Variants in PFKFB3 observed in about 807,000 individuals in gnomAD.
PFKFB3 encodes the protein 6-phosphofructo-2-kinase/fructose-2,6-biphosphatase 3, also known as 6-phosphofructo-2-kinase/fructose-2,6-bisphosphatase 3.
PFKFB3 carries 33 observed loss-of-function variants against 68.0 expected under a neutral mutation model. The observed-to-expected ratio is 0.49, with a 90% CI of 0.37 to 0.65. The LOEUF (loss-of-function observed/expected upper bound fraction) is 0.65, where lower values mean the gene tolerates loss of function less well. PFKFB3 is among the 30% of genes least tolerant of loss of function. PFKFB3 has a pLI of 0.00. For synonymous variants in PFKFB3, 315 were observed against 288.2 expected, an observed-to-expected ratio of 1.09 and a Z score of -0.94; for missense variants, 586 against 712.2, an observed-to-expected ratio of 0.82 and a Z score of 2.02.
chr10:6,169,697 T>TA (rs1842247802), intron 1 of PFKFB3, among the ~76,000 whole-genome samples: 1 of 152,168 alleles, frequency 6.6e-6, no homozygotes, highest in Admixed American at 6.6e-5. Flanking sequence ...ATGTGGAATC[T>TA]AAAAGTCACT....
chr10:6,176,050 C>T (rs1226345296), intron 1 of PFKFB3, among the ~76,000 whole-genome samples: 2 of 152,228 alleles, frequency 1.3e-5, no homozygotes, highest in African/African-American at 2.4e-5. Context: ...GTGAGAGCCC[C>T]CAAACGGAAA....
At chr10:6,310,791 A>C in the PFKFB3 span, among the ~76,000 whole-genome samples, 1 of 152,246 alleles carries the variant, frequency 6.6e-6, no homozygotes, top group Non-Finnish European at 1.5e-5. Flanking sequence ...AAGAGGGAAA[A>C]GAAATAATTA....
chr10:6,259,229 A>C (rs1846517748), downstream of PFKFB3, among the ~76,000 whole-genome samples: 1 of 149,442 alleles, frequency 6.7e-6, no homozygotes, highest in African/African-American at 2.5e-5. Flanking sequence ...CCACCCATCC[A>C]TTTATTCATT....
At chr10:6,155,354 C>T (rs961843703) in intron 1 of PFKFB3, among the ~76,000 whole-genome samples, 8 of 151,980 alleles carry the variant, frequency 5.3e-5, no homozygotes, top group Admixed American at 4.6e-4. Context: ...AGGCGCCCAC[C>T]ACCACGCCCG....
At chr10:6,261,993 T>C in the PFKFB3 span, among the ~76,000 whole-genome samples, 2 of 145,004 alleles carry the variant, frequency 1.4e-5, no homozygotes, top group Admixed American at 7.0e-5. Context: ...TGAGACTCTG[T>C]CTCAAAAACA....
At chr10:6,231,319 A>G in intron 14 of PFKFB3, 1 of 1,612,396 alleles carries the variant, frequency 6.2e-7, no homozygotes, top group Non-Finnish European at 8.5e-7. Flanking sequence ...TGGAAGGTAA[A>G]TGCCTGGGTG....
intron 14 of PFKFB3, among the ~76,000 whole-genome samples, chr10:6,250,661 G>C (rs999126218): frequency 1.3e-5 from 2 of 152,022 alleles, no homozygotes; most frequent in African/African-American, 4.8e-5. Context: ...CCCTATAAAG[G>C]GCCTTGATGG....
the PFKFB3 span, among the ~76,000 whole-genome samples, chr10:6,310,533 A>G: frequency 6.6e-6 from 1 of 152,192 alleles, no homozygotes; most frequent in Non-Finnish European, 1.5e-5. Context: ...AGGAACTATC[A>G]TGGTACACTG....
Position 6,228,403 on chromosome 10 carries a change from G to T in PFKFB3, c.1515+2038G>T. The T allele has an allele frequency of 1.5e-6, 1 of 686,690 alleles. No homozygotes were observed. Among genetic ancestry groups the T allele is most frequent in the South Asian group, 1.7e-5 (1 of 60,552 alleles). The allele number at this position is 686,690 out of a possible 1,614,324, so 42.5% of individuals were successfully genotyped here. A position where few individuals can be genotyped will look rare whatever the true frequency, so the allele number is the denominator to read the frequency against. ...TTCCTGAATGTTTTTGGAAAAGCGT[G>T]CAGGCGGTCATGGTGGCTGCACTAC... On this transcript the variant is annotated intron_variant, in intron 14 of 14. Transcript: ENST00000379775. This position sits in a 1 kb window ranked among gnomAD's most constrained non-coding sequence, Gnocchi z 4.5.
At chr10:6,314,818 C>A in the PFKFB3 span, among the ~76,000 whole-genome samples, 2 of 152,286 alleles carry the variant, frequency 1.3e-5, no homozygotes, top group South Asian at 4.1e-4. Context: ...GTGACGAACC[C>A]ATCATGAGAA....
chr10:6,222,383 C>T (rs949751284), intron 10 of PFKFB3, among the ~76,000 whole-genome samples: 3 of 152,234 alleles, frequency 2.0e-5, no homozygotes, highest in Non-Finnish European at 4.4e-5. Flanking sequence ...CCACTTTCAT[C>T]ACGTTAAAGT....
intron 1 of PFKFB3, among the ~76,000 whole-genome samples, chr10:6,172,897 A>C (rs1842355746): frequency 6.6e-6 from 1 of 151,604 alleles, no homozygotes; most frequent in African/African-American, 2.4e-5. Flanking sequence ...CTGTGACTGC[A>C]GTGCTGGGGC....
chr10:6,300,717 G>A, the PFKFB3 span, among the ~76,000 whole-genome samples: 64 of 152,234 alleles, frequency 4.2e-4, no homozygotes, highest in African/African-American at 1.4e-3. Flanking sequence ...GTCTCGCGAG[G>A]CACCGTGGAA....
intron 14 of PFKFB3, among the ~76,000 whole-genome samples, chr10:6,251,034 C>T (rs1021655377): frequency 2.3e-4 from 35 of 152,184 alleles, no homozygotes; most frequent in African/African-American, 8.2e-4. Flanking sequence ...CTTTGTCCCC[C>T]GTCCCCATGG....
chr10:6,161,613 TAC>T (rs879802913), intron 1 of PFKFB3, among the ~76,000 whole-genome samples: 184 of 142,334 alleles, frequency 1.3e-3, no homozygotes, highest in African/African-American at 4.4e-3. Flanking sequence ...CACATATATA[TAC>T]ACACACACAC....
chr10:6,319,380 T>C, the PFKFB3 span, among the ~76,000 whole-genome samples: 4 of 152,210 alleles, frequency 2.6e-5, no homozygotes, highest in Non-Finnish European at 5.9e-5. Flanking sequence ...CTGGAGGACA[T>C]CATCTGAAGT....
intron 1 of PFKFB3, among the ~76,000 whole-genome samples, chr10:6,160,162 G>C (rs914073615): frequency 2.0e-5 from 3 of 152,268 alleles, no homozygotes; most frequent in African/African-American, 2.4e-5. Flanking sequence ...TCAGGATAAT[G>C]GTTACTTCCA....
chr10:6,146,761 G>A (rs1841401315), intron 1 of PFKFB3, among the ~76,000 whole-genome samples: 1 of 152,230 alleles, frequency 6.6e-6, no homozygotes, highest in East Asian at 1.9e-4. Flanking sequence ...TTTGCTTTAT[G>A]ACAGCGTATT....
At chr10:6,257,796 A>G (rs1248825411), downstream of PFKFB3, among the ~76,000 whole-genome samples, 1 of 152,144 alleles carries the variant, frequency 6.6e-6, no homozygotes, top group Admixed American at 6.6e-5. Flanking sequence ...GGGAGATGGA[A>G]GGAACAAGTC....
Sources: gnomAD v4.1 joint callset for allele counts (sites outside exome capture counted in the v4.1 genomes callset) on GRCh38, gnomAD v4.1.1 for gene constraint, Gnocchi (gnomAD v3.1) non-coding constraint, MANE v1.5 for transcripts, NCBI Gene and HGNC (gene_info 2026-07-23, HGNC 2026-07-21) for gene names.